The following AGAP1 variants were observed in gnomAD, a reference collection of about 807,000 sequenced individuals.
AGAP1 encodes ArfGAP with GTPase domain, ankyrin repeat and PH domain 1, also known as arf-GAP with GTPase, ANK repeat and PH domain-containing protein 1.
Under a neutral mutation model 105.3 loss-of-function variants are expected in AGAP1, and 29 were observed. That is an observed-to-expected ratio of 0.28 (90% CI 0.21 to 0.38). The LOEUF is 0.38. Among genes scored for constraint, AGAP1 ranks in the 10% least tolerant of loss-of-function variants. AGAP1 has a pLI of 1.00. For missense variants in AGAP1, 998 were observed against 1,165.1 expected (o/e 0.86, Z 2.09); for synonymous variants, 509 against 485.9 (o/e 1.05, Z -0.63).
chr2:235,748,005 T>G (rs1314772025), intron 5 of AGAP1, among the ~76,000 whole-genome samples: 1 of 152,250 alleles, frequency 6.6e-6, no homozygotes, highest in Non-Finnish European at 1.5e-5. Flanking sequence ...TGCACGAATG[T>G]TCATAATTGG....
At chr2:235,860,365 T>A (rs1012901594) in intron 9 of AGAP1, among the ~76,000 whole-genome samples, 3 of 152,194 alleles carry the variant, frequency 2.0e-5, no homozygotes, top group Admixed American at 6.5e-5. Context: ...TTACCTTTTT[T>A]TTTTGCCTCA....
Position 235,875,773 on chromosome 2 carries a change from C to T in AGAP1, c.1051-7572C>T, listed in dbSNP as rs566340744. ...CTACACTTCCCACTGCCCGACAGTACGTGCAGTGATTTTGATGGCTGTTTA... is the reference window on the plus strand; with the variant it reads ...CTACACTTCCCACTGCCCGACAGTATGTGCAGTGATTTTGATGGCTGTTTA... On this transcript the variant is annotated intron_variant, in intron 9 of 17. Coordinates refer to ENST00000304032, the MANE Select transcript of AGAP1 (RefSeq NM_001037131.3). This position sits in a 1 kb window ranked among gnomAD's most constrained non-coding sequence, Gnocchi z 4.0. 1.3e-5 allele frequency among the ~76,000 whole-genome samples: 2 copies of T among 152,270 alleles called. No homozygotes were observed. The highest frequency in any genetic ancestry group is 2.9e-5 in the Non-Finnish European group (2 of 68,030).
intron 1 of AGAP1, among the ~76,000 whole-genome samples, chr2:235,668,933 C>T (rs1225772569): frequency 6.6e-6 from 1 of 152,112 alleles, no homozygotes; most frequent in Non-Finnish European, 1.5e-5. Flanking sequence ...TGTCTGCTTG[C>T]TCTTAACCGC....
intron 1 of AGAP1, among the ~76,000 whole-genome samples, chr2:235,678,113 T>C (rs562858889): frequency 1.8e-4 from 28 of 152,176 alleles, no homozygotes; most frequent in African/African-American, 6.5e-4. Flanking sequence ...TGGCTTTTGC[T>C]CCTCTGGTGC....
In AGAP1 at chr2:235,882,352, C is replaced by G; in HGVS notation, c.1051-993C>G. On this transcript the variant is annotated intron_variant, in intron 9 of 17. Coordinates refer to ENST00000304032, the MANE Select transcript of AGAP1 (RefSeq NM_001037131.3). This position sits in a 1 kb window ranked among gnomAD's most constrained non-coding sequence, Gnocchi z 4.6. ...TTAAGGATGACGAGGGCAGGAAATC[C>G]TCCGGGCTCTTAGGAAATTTCACTC... is the stretch of plus-strand genomic sequence containing the variant. 7.6e-7 allele frequency: 1 copy of G among 1,312,844 alleles called. No homozygotes were observed. The highest frequency in any genetic ancestry group is 1.1e-6 in the Non-Finnish European group (1 of 934,694). The allele number at this position is 1,312,844 out of a possible 1,614,324, so 81.3% of individuals were successfully genotyped here.
At position 235,635,381 on chromosome 2, in the gene AGAP1, G is replaced by A. The variant is rs372755814; in HGVS notation, c.164-73798G>A. Reference sequence around the variant, plus strand: ...TCTCCGTTTCTCCTTTTCTCTGCCCGTAGGATTGACTTTCATCTTGCCTGG... The same window carrying A: ...TCTCCGTTTCTCCTTTTCTCTGCCCATAGGATTGACTTTCATCTTGCCTGG... On this transcript the variant is annotated intron_variant, in intron 1 of 17. Coordinates refer to ENST00000304032, the MANE Select transcript of AGAP1 (RefSeq NM_001037131.3). The surrounding 1 kb of genome is among the most constrained non-coding windows in gnomAD (Gnocchi z 5.3). 3.9e-4 allele frequency among the ~76,000 whole-genome samples: 59 copies of A among 152,236 alleles called. No homozygotes were observed. The East Asian group carries it at 9.5e-3, about 24-fold the overall frequency.
At chr2:235,943,621 A>G (rs762563076) in intron 12 of AGAP1, among the ~76,000 whole-genome samples, 1 of 152,196 alleles carries the variant, frequency 6.6e-6, no homozygotes, top group Non-Finnish European at 1.5e-5. Context: ...AAGTGCTGGG[A>G]TTACAGGCAT....
intron 1 of AGAP1, chr2:235,524,521 C>T (rs893659496): frequency 2.9e-6 from 1 of 342,358 alleles, no homozygotes; most frequent in Non-Finnish European, 6.2e-6. Context: ...GGCCACGGGG[C>T]TGCACCCAGC....
intron 13 of AGAP1, among the ~76,000 whole-genome samples, chr2:236,013,716 C>T (rs1432370936): frequency 6.6e-6 from 1 of 152,220 alleles, no homozygotes. Flanking sequence ...GAGACCCCTT[C>T]TTCAGAAGGT....
In AGAP1 at chr2:235,728,320, T is replaced by TGTGTGTGTGTGTGTGTGTGCGC. The variant is rs1328525428; in HGVS notation, c.310+10683_310+10684insTGTGTGTGTGTGCGCGTGTGTG. ...CAGACTCTGTGTGTGTGTGTGTGTGTGTGTGTGCGTGCTCTTAAATCAATG... is the reference window on the plus strand; with the variant it reads ...CAGACTCTGTGTGTGTGTGTGTGTGTGTGTGTGTGTGTGTGTGTGCGCGTGTGTGCGTGCTCTTAAATCAATG... On this transcript the variant is annotated intron_variant, in intron 3 of 17. Transcript: ENST00000304032. The surrounding 1 kb of genome is among the most constrained non-coding windows in gnomAD (Gnocchi z 4.3). 8.6e-5 allele frequency among the ~76,000 whole-genome samples: 13 copies of TGTGTGTGTGTGTGTGTGTGCGC among 151,834 alleles called. No homozygotes were observed. Among genetic ancestry groups the TGTGTGTGTGTGTGTGTGTGCGC allele is most frequent in the Middle Eastern group, 3.4e-3 (1 of 292 alleles).
rs1961071318 is a variant in AGAP1 at position 235,843,251 on chromosome 2, C to T, written c.1050+35920C>T. 6.6e-6 allele frequency among the ~76,000 whole-genome samples: 1 copy of T among 152,116 alleles called. No homozygotes were observed. The highest frequency in any genetic ancestry group is 2.1e-4 in the South Asian group (1 of 4,824). On this transcript the variant is annotated intron_variant, in intron 9 of 17. Coordinates refer to ENST00000304032, the MANE Select transcript of AGAP1 (RefSeq NM_001037131.3). The surrounding 1 kb of genome is among the most constrained non-coding windows in gnomAD (Gnocchi z 5.9). ...GTGGTCTTCGGGAGGACCTGAGCTT[C>T]GGCTGCGGCCTTCCAGCCCCCTGGG... is the stretch of plus-strand genomic sequence containing the variant.
chr2:235,743,189 G>A lies in AGAP1; in HGVS notation c.397-1509G>A, dbSNP rs1952690682. The stretch of plus-strand genomic sequence containing the variant: ...CTCAAAAAACAAACCCCAAAGCATA[G>A]TTTCAGTTTTCTGATGGTGAACATG... On this transcript the variant is annotated intron_variant, in intron 4 of 17. Transcript: ENST00000304032. 7.2e-5 allele frequency among the ~76,000 whole-genome samples: 11 copies of A among 152,160 alleles called. 1 individual carries two copies. The highest frequency in any genetic ancestry group is 7.2e-4 in the Admixed American group (11 of 15,272).
intron 3 of AGAP1, 121 bp downstream of exon 3, chr2:235,717,765 G>A: frequency 1.2e-6 from 1 of 853,976 alleles, no homozygotes; most frequent in Middle Eastern, 3.0e-4. Context: ...AACATACCAA[G>A]CGGTAAAAAC....
In AGAP1 at chr2:235,883,887, G is replaced by A. The variant is rs1450201248; in HGVS notation, c.1155+438G>A. The stretch of plus-strand genomic sequence containing the variant: ...TGCAATTCATGACTCAGCTTTTATT[G>A]TCAGATAACACATTCCAGTGCATTA... On this transcript the variant is annotated intron_variant, in intron 10 of 17. Coordinates refer to ENST00000304032, the MANE Select transcript of AGAP1 (RefSeq NM_001037131.3). The surrounding 1 kb of genome is among the most constrained non-coding windows in gnomAD (Gnocchi z 4.5). Among the ~76,000 whole-genome samples, 1 of 152,138 alleles carries A rather than the reference G, an allele frequency of 6.6e-6. No individual in the cohort carries two copies. Among genetic ancestry groups the A allele is most frequent in the East Asian group, 1.9e-4 (1 of 5,198 alleles).
intron 10 of AGAP1, among the ~76,000 whole-genome samples, chr2:235,892,582 GAAAA>G (rs11336949): frequency 7.0e-6 from 1 of 142,916 alleles, no homozygotes; most frequent in African/African-American, 2.6e-5. Flanking sequence ...AATCATTCAA[GAAAA>G]AAAAAAAAAA....
At chr2:235,946,286 T>G (rs1025428595) in intron 12 of AGAP1, among the ~76,000 whole-genome samples, 1 of 24,124 alleles carries the variant, frequency 4.1e-5, no homozygotes, top group South Asian at 3.2e-3. Context: ...TTTTTTTCCT[T>G]TTTTTTTTTT....
chr2:235,670,767 T>G, intron 1 of AGAP1: 2 of 1,134,078 alleles, frequency 1.8e-6, no homozygotes, highest in Non-Finnish European at 2.5e-6. Flanking sequence ...AACGACGCGC[T>G]CTCGGACCTG....
chr2:235,758,027 T>C (rs937092650), intron 6 of AGAP1, among the ~76,000 whole-genome samples: 10 of 152,350 alleles, frequency 6.6e-5, no homozygotes, highest in Middle Eastern at 3.4e-3. Flanking sequence ...TTCCATTCTT[T>C]CCTGAAATCA....
At position 235,716,092 on chromosome 2, in the gene AGAP1, A is replaced by G. The variant is rs897354463; in HGVS notation, c.223-1465A>G. Among the ~76,000 whole-genome samples the G allele has an allele frequency of 1.3e-5, 2 of 152,186 alleles. No individual in the cohort carries two copies. The highest frequency in any genetic ancestry group is 2.9e-5 in the Non-Finnish European group (2 of 68,032). ...TTTTTCCCCCCACATCCAACCTTCT[A>G]TCAATGAGTTATGATTCCAGAGTCT... On this transcript the variant is annotated intron_variant, in intron 2 of 17. Coordinates refer to ENST00000304032, the MANE Select transcript of AGAP1 (RefSeq NM_001037131.3). The surrounding 1 kb of genome is among the most constrained non-coding windows in gnomAD (Gnocchi z 4.0).
Sources: gnomAD v4.1 joint callset for allele counts (sites outside exome capture counted in the v4.1 genomes callset) on GRCh38, gnomAD v4.1.1 for gene constraint, Gnocchi (gnomAD v3.1) non-coding constraint, MANE v1.5 for transcripts, NCBI Gene and HGNC (gene_info 2026-07-23, HGNC 2026-07-21) for gene names.